Variants in PTCHD4 observed in about 807,000 individuals in gnomAD.
PTCHD4 encodes the protein patched domain-containing protein 4.
Under a neutral mutation model 58.1 loss-of-function variants are expected in PTCHD4, and 33 were observed. The ratio of observed to expected loss-of-function variants is 0.57; its 90% CI spans 0.43 to 0.76. The LOEUF is 0.76. Ranked by LOEUF, PTCHD4 falls within the 30% of genes least tolerant of loss-of-function variation. PTCHD4 has a pLI of 0.00. For synonymous variants in PTCHD4, 478 were observed against 409.6 expected, an observed-to-expected ratio of 1.17 and a Z score of -2.02; for missense variants, 1,058 against 1,027.1, an observed-to-expected ratio of 1.03 and a Z score of -0.41.
chr6:48,099,323 A>G (rs577599832), intron 1 of PTCHD4, among the ~76,000 whole-genome samples: 7 of 152,260 alleles, frequency 4.6e-5, no homozygotes, highest in Non-Finnish European at 8.8e-5. Flanking sequence ...CCATCTAGCC[A>G]CTTTAGGAAT....
At chr6:48,040,264 T>C (rs1281700937) in intron 3 of PTCHD4, among the ~76,000 whole-genome samples, 8 of 152,124 alleles carry the variant, frequency 5.3e-5, no homozygotes. Flanking sequence ...TCTTTGTTGA[T>C]ATTTTTCCAT....
intron 4 of PTCHD4, among the ~76,000 whole-genome samples, chr6:47,975,752 C>T (rs1157099239): frequency 2.0e-5 from 3 of 152,164 alleles, no homozygotes; most frequent in Non-Finnish European, 4.4e-5. Context: ...TTGTAGTTAG[C>T]ACTCTGCATA....
chr6:47,884,086 G>A (rs1722319661), intron 4 of PTCHD4, among the ~76,000 whole-genome samples: 2 of 150,994 alleles, frequency 1.3e-5, no homozygotes, highest in South Asian at 4.2e-4. Flanking sequence ...CCAAGCTTAT[G>A]TATGTATGTG....
chr6:47,953,908 C>T (rs1464912461), intron 4 of PTCHD4, among the ~76,000 whole-genome samples: 1 of 152,130 alleles, frequency 6.6e-6, no homozygotes, highest in Non-Finnish European at 1.5e-5. Flanking sequence ...CCTAACATTT[C>T]CTGTGGCAAA....
intron 3 of PTCHD4, among the ~76,000 whole-genome samples, chr6:48,009,466 G>A (rs1050169442): frequency 6.6e-6 from 1 of 152,108 alleles, no homozygotes; most frequent in Non-Finnish European, 1.5e-5. Context: ...CAAGTTTTAT[G>A]ATTCAGTTTC....
At chr6:47,952,879 GAC>G in intron 4 of PTCHD4, among the ~76,000 whole-genome samples, 1 of 151,994 alleles carries the variant, frequency 6.6e-6, no homozygotes, top group South Asian at 2.1e-4. Flanking sequence ...GACTACATAT[GAC>G]TGTATATAGT....
At position 47,861,049 on chromosome 6, in the gene PTCHD4, C is replaced by A. The variant is rs1415490552; in HGVS notation, c.*17254G>T. Among the ~76,000 whole-genome samples, 1 of 151,898 alleles carries A rather than the reference C, an allele frequency of 6.6e-6. No homozygotes were observed. Among genetic ancestry groups the A allele is most frequent in the Non-Finnish European group, 1.5e-5 (1 of 67,920 alleles). ...CATTATTTTAGTGGAACATTTCAAT[C>A]GCAGTCTAATTATTGAGCTCTCCCA... On this transcript the variant is annotated 3_prime_UTR_variant, in exon 5 of 5. Transcript: ENST00000339488.
chr6:47,987,828 G>A (rs1333869505), intron 4 of PTCHD4, among the ~76,000 whole-genome samples: 1 of 151,124 alleles, frequency 6.6e-6, no homozygotes, highest in Non-Finnish European at 1.5e-5. Context: ...CCAGGCTGGA[G>A]TACAGTGGCG....
At chr6:48,010,673 T>C (rs904880081) in intron 3 of PTCHD4, among the ~76,000 whole-genome samples, 5 of 152,152 alleles carry the variant, frequency 3.3e-5, no homozygotes, top group Non-Finnish European at 1.5e-5. Flanking sequence ...TAGTTATACA[T>C]GTGCCATGTG....
At chr6:48,094,135 C>T (rs897682788) in intron 1 of PTCHD4, among the ~76,000 whole-genome samples, 3 of 152,032 alleles carry the variant, frequency 2.0e-5, no homozygotes, top group African/African-American at 2.4e-5. Context: ...TGGTAAAAAT[C>T]GGACTGAAAG....
At chr6:47,892,842 C>T (rs947300885) in intron 4 of PTCHD4, among the ~76,000 whole-genome samples, 1 of 152,178 alleles carries the variant, frequency 6.6e-6, no homozygotes, top group Non-Finnish European at 1.5e-5. Flanking sequence ...GAAATAAAAA[C>T]ATTCCACAGC....
At chr6:47,942,129 G>T (rs537492417) in intron 4 of PTCHD4, among the ~76,000 whole-genome samples, 2 of 152,250 alleles carry the variant, frequency 1.3e-5, no homozygotes, top group East Asian at 3.9e-4. Flanking sequence ...GAATGATTTA[G>T]GGCTGCTTAT....
intron 4 of PTCHD4, among the ~76,000 whole-genome samples, chr6:47,987,952 T>C (rs1296476474): frequency 2.6e-5 from 4 of 152,022 alleles, no homozygotes; most frequent in African/African-American, 9.7e-5. Context: ...AATTTTTGTA[T>C]TTTTAGTAGA....
At chr6:47,941,409 T>A (rs1043932957) in intron 4 of PTCHD4, among the ~76,000 whole-genome samples, 1 of 152,138 alleles carries the variant, frequency 6.6e-6, no homozygotes, top group Admixed American at 6.6e-5. Flanking sequence ...TCTAATGGTT[T>A]TGAAGCTCCC....
rs1581833325 is a variant in PTCHD4 at position 47,889,806 on chromosome 6, T to C, written c.899-9870A>G. ...GACATAGGCATGGGCAAGGACTTCA[T>C]GTCTAAAACACCAAAAGCAATGGCA... On this transcript the variant is annotated intron_variant, in intron 4 of 4. Transcript: ENST00000339488. Among the ~76,000 whole-genome samples the C allele has an allele frequency of 2.0e-5, 3 of 151,042 alleles. No individual in the cohort carries two copies. In the East Asian group the frequency reaches 5.8e-4, roughly 29 times the overall value.
At chr6:48,006,372 C>G (rs7766088) in intron 4 of PTCHD4, among the ~76,000 whole-genome samples, 5,965 of 152,184 alleles carry the variant, frequency 0.039, 148 homozygotes, top group Admixed American at 0.069. Flanking sequence ...GGTAGTTTTT[C>G]TCTTTATTTT....
chr6:48,098,145 G>A (rs1765513566), intron 1 of PTCHD4, among the ~76,000 whole-genome samples: 1 of 152,044 alleles, frequency 6.6e-6, no homozygotes, highest in African/African-American at 2.4e-5. Flanking sequence ...AACCCCTGAA[G>A]ATACCTTCAA....
In PTCHD4 at chr6:48,009,051, C is replaced by A. The variant is rs765986115; in HGVS notation, c.481G>T (p.Asp161Tyr). ...GGVVEVPNSKDQRVKSARAIQ... is the reference protein window; with the variant it reads ...GGVVEVPNSKYQRVKSARAIQ... Reference sequence around the variant, plus strand: ...GCTCTGGCTGACTTGACCCGCTGATCTTTGCTGTTTGGCACTTCCACTACC... The same window carrying A: ...GCTCTGGCTGACTTGACCCGCTGATATTTGCTGTTTGGCACTTCCACTACC... Residue 161 changes from aspartate to tyrosine, a missense_variant, in exon 4 of 5, where the codon GAT becomes TAT. Transcript: ENST00000339488. The A allele has an allele frequency of 6.2e-7, 1 of 1,613,886 alleles. No homozygotes were observed. Among genetic ancestry groups the A allele is most frequent in the Non-Finnish European group, 8.5e-7 (1 of 1,179,858 alleles).
intron 4 of PTCHD4, among the ~76,000 whole-genome samples, chr6:47,991,571 T>A (rs2114035478): frequency 6.6e-6 from 1 of 152,126 alleles, no homozygotes; most frequent in South Asian, 2.1e-4. Context: ...TTAGTAAATG[T>A]AAAAGATTAT....
Sources: gnomAD v4.1 joint callset for allele counts (sites outside exome capture counted in the v4.1 genomes callset) on GRCh38, gnomAD v4.1.1 for gene constraint, MANE v1.5 for transcripts, NCBI Gene and HGNC (gene_info 2026-07-23, HGNC 2026-07-21) for gene names.